The following PSMA3 variants were observed in gnomAD, a reference collection of about 807,000 sequenced individuals.
PSMA3 encodes proteasome subunit alpha type-3.
A neutral mutation model predicts 40.0 loss-of-function variants in PSMA3; 8 were observed. The observed-to-expected ratio is 0.20, with a 90% CI of 0.12 to 0.36. The LOEUF (loss-of-function observed/expected upper bound fraction) is 0.36, where lower values mean the gene tolerates loss of function less well. Among genes scored for constraint, PSMA3 ranks in the 10% least tolerant of loss-of-function variants. The pLI, the probability that PSMA3 is intolerant of heterozygous loss-of-function variation, is 1.00. For synonymous variants in PSMA3, 110 were observed against 100.0 expected, an observed-to-expected ratio of 1.10 and a Z score of -0.59; for missense variants, 219 against 310.6, an observed-to-expected ratio of 0.70 and a Z score of 2.22.
rs1818457605 is a variant in PSMA3, at chr14:58,270,596, G to A, written c.658+111G>A. The A allele has an allele frequency of 7.8e-6, 12 of 1,530,378 alleles. No individual in the cohort carries two copies. In the South Asian group the frequency reaches 1.5e-4, roughly 20 times the overall value. The allele number at this position is 1,530,378 out of a possible 1,614,324, so 94.8% of individuals were successfully genotyped here. A position where few individuals can be genotyped will look rare whatever the true frequency, so the allele number is the denominator to read the frequency against. On this transcript the variant is annotated intron_variant, in intron 9 of 10. Transcript: ENST00000216455. ...AAAGCTAAAGCAAATTTACTAGGTT[G>A]TCTAATGAAGGGAAAGTTCTGCTTA... is the stretch of plus-strand genomic sequence containing the variant.
chr14:58,271,012 C>T lies in PSMA3; in HGVS notation c.723+14C>T. ...AAATATGCTAAGGTAAGCCACAGCA[C>T]AAAAACTTCTCTTGGCCAGGTACAG... On this transcript the variant is annotated intron_variant, in intron 10 of 10. Transcript: ENST00000216455. 1 of 1,587,708 alleles carries T rather than the reference C, an allele frequency of 6.3e-7. No individual in the cohort carries two copies. The highest frequency in any genetic ancestry group is 2.3e-5 in the East Asian group (1 of 44,072).
rs1566642990 is a variant in PSMA3, at chr14:58,263,689, A to T, written c.478-16A>T. ...GTGTACTAATTCAGTGATTATATAT[A>T]TTTTTTTCTAAATAGGGTTATTGGG... On this transcript the variant is annotated splice_polypyrimidine_tract_variant and intron_variant, in intron 6 of 10. Coordinates refer to ENST00000216455, the MANE Select transcript of PSMA3 (RefSeq NM_002788.4). The T allele has an allele frequency of 3.7e-6, 6 of 1,600,868 alleles. No individual in the cohort carries two copies. Among genetic ancestry groups the T allele is most frequent in the Non-Finnish European group, 1.7e-6 (2 of 1,168,800 alleles).
intron 2 of PSMA3, among the ~76,000 whole-genome samples, chr14:58,250,366 G>A (rs1291453220): frequency 6.6e-6 from 1 of 152,090 alleles, no homozygotes; most frequent in Non-Finnish European, 1.5e-5. Context: ...AACTAAGTTT[G>A]CAAACCTTTT....
chr14:58,253,285 G>C (rs1030475439), intron 3 of PSMA3, among the ~76,000 whole-genome samples: 15 of 151,822 alleles, frequency 9.9e-5, no homozygotes, highest in Admixed American at 7.2e-4. Context: ...CACTGCGCCC[G>C]GCCTAATGCC....
intron 6 of PSMA3, among the ~76,000 whole-genome samples, chr14:58,262,967 A>C (rs923411216): frequency 1.3e-5 from 2 of 150,118 alleles, no homozygotes; most frequent in Non-Finnish European, 3.0e-5. Context: ...CTGTAACAGA[A>C]GTATATATGT....
intron 3 of PSMA3, among the ~76,000 whole-genome samples, chr14:58,257,359 G>A (rs538053334): frequency 1.9e-4 from 29 of 151,450 alleles, no homozygotes; most frequent in African/African-American, 5.3e-4. Context: ...TTAGCCGGGC[G>A]TGGTGGCAGG....
At chr14:58,253,173 C>T (rs781354454) in intron 3 of PSMA3, among the ~76,000 whole-genome samples, 29 of 152,032 alleles carry the variant, frequency 1.9e-4, no homozygotes, top group Non-Finnish European at 1.2e-4. Context: ...TTAGTAAAGG[C>T]AGGGTTTCAC....
Position 58,245,010 on chromosome 14 carries a change from C to G in PSMA3, c.21+69C>G, listed in dbSNP as rs531933034. On this transcript the variant is annotated intron_variant, in intron 1 of 10. Transcript: ENST00000216455. Reference sequence around the variant, plus strand: ...GGGGTTGAAGGGAACTCGGACAGACCACATGGGGTTCGCGGACCCGGGGTG... The same window carrying G: ...GGGGTTGAAGGGAACTCGGACAGACGACATGGGGTTCGCGGACCCGGGGTG... 3.1e-6 allele frequency: 5 copies of G among 1,607,806 alleles called. No homozygotes were observed. The African/African-American group carries it at 6.7e-5, about 22-fold the overall frequency.
Position 58,263,736 on chromosome 14 carries a change from G to C in PSMA3, c.509G>C (p.Arg170Thr). The part of the protein sequence containing the change: ...GYWGCAIGKA[R>T]QAAKTEIEKL... ...TGGGGCTGTGCCATCGGCAAAGCCA[G>C]GCAAGCTGCAAAGACGGAAATAGAG... The change falls in exon 7 of 11, where the codon AGG becomes ACG. Residue 170 changes from arginine (R) to threonine (T), a missense_variant. Physicochemically the swap from Arg to Thr is moderately conservative, Grantham distance 71. Coordinates refer to ENST00000216455, the MANE Select transcript of PSMA3 (RefSeq NM_002788.4). 1 of 1,613,884 alleles carries C rather than the reference G, an allele frequency of 6.2e-7. No individual in the cohort carries two copies.
intron 3 of PSMA3, among the ~76,000 whole-genome samples, chr14:58,256,546 T>A (rs1029151041): frequency 1.3e-5 from 2 of 151,598 alleles, no homozygotes; most frequent in Non-Finnish European, 2.9e-5. Flanking sequence ...CCCAAGTAAC[T>A]GGGATTACAG....
intron 7 of PSMA3, chr14:58,264,927 T>C (rs1218607072): frequency 6.6e-6 from 1 of 152,208 alleles, no homozygotes; most frequent in African/African-American, 2.4e-5. Flanking sequence ...CTTTTCCTTT[T>C]GTTTTCATCT....
chr14:58,262,257 T>C (rs939319943), intron 6 of PSMA3, among the ~76,000 whole-genome samples: 1 of 152,170 alleles, frequency 6.6e-6, no homozygotes, highest in Non-Finnish European at 1.5e-5. Context: ...CGTCTCGCTC[T>C]GTCACCCAGA....
chr14:58,260,469 T>C (rs1390514908), intron 5 of PSMA3, among the ~76,000 whole-genome samples: 1 of 152,214 alleles, frequency 6.6e-6, no homozygotes, highest in East Asian at 1.9e-4. Context: ...TACAATCAGC[T>C]AATAGCCTAA....
At chr14:58,248,396 AT>A (rs1889924884) in intron 2 of PSMA3, among the ~76,000 whole-genome samples, 1 of 151,830 alleles carries the variant, frequency 6.6e-6, no homozygotes, top group African/African-American at 2.4e-5. Flanking sequence ...TGCCCGGATA[AT>A]TTTTGCATTT....
intron 1 of PSMA3, 198 bp downstream of exon 1, chr14:58,245,139 T>C (rs1163478601): frequency 9.3e-6 from 6 of 644,934 alleles, no homozygotes; most frequent in South Asian, 3.7e-5. Context: ...CCGTGACTCC[T>C]GAAGCTTTTC....
chr14:58,258,851 C>T (rs560206291), intron 5 of PSMA3, among the ~76,000 whole-genome samples: 1 of 152,224 alleles, frequency 6.6e-6, no homozygotes, highest in Non-Finnish European at 1.5e-5. Context: ...GTAGTCCTAC[C>T]TTTGAGTTGT....
At chr14:58,261,118 C>A in intron 6 of PSMA3, 98 bp downstream of exon 6, 4 of 781,480 alleles carry the variant, frequency 5.1e-6, no homozygotes, top group Non-Finnish European at 6.0e-6. Flanking sequence ...TAAAAAAAAA[C>A]TCATTCAAGG....
At chr14:58,267,618 AACTT>A (rs1322012470) in intron 8 of PSMA3, 98 bp downstream of exon 8, 2 of 1,315,514 alleles carry the variant, frequency 1.5e-6, no homozygotes, top group Non-Finnish European at 2.0e-6. Flanking sequence ...CCTGTAAAAT[AACTT>A]AGTGTATAAT....
chr14:58,248,921 C>A (rs1346927804), intron 2 of PSMA3, among the ~76,000 whole-genome samples: 2 of 152,170 alleles, frequency 1.3e-5, no homozygotes, highest in Admixed American at 6.5e-5. Flanking sequence ...CAAGATTGCA[C>A]CACTGCACTC....
Sources: allele counts gnomAD v4.1 joint callset (sites outside exome capture counted in the v4.1 genomes callset), GRCh38; gene constraint gnomAD v4.1.1; transcripts MANE v1.5; gene names NCBI Gene and HGNC (gene_info 2026-07-23, HGNC 2026-07-21).